FLVCR2: variants seen among roughly 807,000 people sequenced by gnomAD.
FLVCR2 encodes choline/ethanolamine transporter FLVCR2.
A neutral mutation model predicts 48.9 loss-of-function variants in FLVCR2; 38 were observed. The observed-to-expected ratio is 0.78, with a 90% CI of 0.60 to 1.02. The LOEUF (loss-of-function observed/expected upper bound fraction) is 1.02. Ranked by LOEUF, FLVCR2 falls within the 50% of genes least tolerant of loss-of-function variation. The pLI is 0.00. For missense variants in FLVCR2, 664 were observed against 663.3 expected (o/e 1.00, Z -0.01); for synonymous variants, 255 against 257.0 (o/e 0.99, Z 0.07).
At chr14:75,636,756 G>A (rs1045073896) in intron 5 of FLVCR2, among the ~76,000 whole-genome samples, 8 of 152,302 alleles carry the variant, frequency 5.3e-5, no homozygotes, top group South Asian at 2.1e-4. Context: ...GCCAGTCCTC[G>A]TCACTCTAAG....
intron 1 of FLVCR2, among the ~76,000 whole-genome samples, chr14:75,615,902 C>G (rs1889600172): frequency 6.6e-6 from 1 of 150,536 alleles, no homozygotes; most frequent in Admixed American, 6.6e-5. Context: ...TGGCGGGAAC[C>G]TGTAATCCCA....
intron 1 of FLVCR2, among the ~76,000 whole-genome samples, chr14:75,609,582 TC>T (rs1296692666): frequency 1.3e-5 from 2 of 152,214 alleles, no homozygotes; most frequent in Non-Finnish European, 2.9e-5. Flanking sequence ...ATGGGTCCCA[TC>T]CTATCTATTT....
At chr14:75,635,308 G>T (rs975316756) in intron 5 of FLVCR2, among the ~76,000 whole-genome samples, 2 of 152,100 alleles carry the variant, frequency 1.3e-5, no homozygotes, top group Admixed American at 6.5e-5. Context: ...AGAGGAGGGA[G>T]AAATGAAAAT....
intron 5 of FLVCR2, 151 bp from the exon 6 acceptor site, chr14:75,639,201 A>T: frequency 1.5e-6 from 1 of 689,230 alleles, no homozygotes; most frequent in Non-Finnish European, 2.6e-6. Context: ...ACAGAGCAAG[A>T]CACTGTCTCT....
chr14:75,633,790 C>T lies in FLVCR2; in HGVS notation c.1020+94C>T, dbSNP rs114938064. The T allele has an allele frequency of 8.4e-4, 805 of 958,014 alleles. 3 individuals carry two copies. The African/African-American group carries it at 0.011, about 14-fold the overall frequency. 59.3% of individuals were successfully genotyped at this position (958,014 alleles called of 1,614,324 possible). A position where few individuals can be genotyped will look rare whatever the true frequency, so the allele number is the denominator to read the frequency against. ...TGGGATGACCGTTAAGTCTTCATTC[C>T]CCCCAGTTCTAGGTAGGGTGATATG... is the stretch of plus-strand genomic sequence containing the variant. On this transcript the variant is annotated intron_variant, in intron 4 of 9. Transcript: ENST00000238667.
intron 1 of FLVCR2, among the ~76,000 whole-genome samples, chr14:75,608,807 C>T (rs1400945081): frequency 1.3e-5 from 2 of 152,152 alleles, no homozygotes; most frequent in South Asian, 2.1e-4. Flanking sequence ...TGGCTGCCCC[C>T]GTATTCTCAT....
chr14:75,591,308 G>C (rs547988161), intron 1 of FLVCR2, among the ~76,000 whole-genome samples: 2 of 152,328 alleles, frequency 1.3e-5, no homozygotes, highest in East Asian at 3.9e-4. Context: ...CTCTCAGAGT[G>C]CCTGGATTAC....
rs111937202 is a variant in FLVCR2 at position 75,624,519 on chromosome 14, T to C, written c.812-93T>C. ...TTTCCTTTGGGAGTCTTAGCTCCTC[T>C]CAGATGATGGAGCAGCTTTCATTCA... On this transcript the variant is annotated intron_variant, in intron 2 of 9. Coordinates refer to ENST00000238667, the MANE Select transcript of FLVCR2 (RefSeq NM_017791.3). 3.5e-5 allele frequency: 50 copies of C among 1,427,214 alleles called. No homozygotes were observed. In the African/African-American group the frequency reaches 5.3e-4, roughly 15 times the overall value. The allele number at this position is 1,427,214 out of a possible 1,614,324, so 88.4% of individuals were successfully genotyped here.
chr14:75,613,787 A>G lies in FLVCR2; in HGVS notation c.670-8292A>G, dbSNP rs550346560. ...GCTGGTCTCAAACTCCTGACCTCAA[A>G]TGATCCACCCACCTTGGCCTCCCAA... On this transcript the variant is annotated intron_variant, in intron 1 of 9. Coordinates refer to ENST00000238667, the MANE Select transcript of FLVCR2 (RefSeq NM_017791.3). Among the ~76,000 whole-genome samples the G allele has an allele frequency of 3.5e-4, 53 of 152,198 alleles. 1 individual carries two copies. Among genetic ancestry groups the G allele is most frequent in the Middle Eastern group, 3.4e-3 (1 of 294 alleles).
intron 1 of FLVCR2, among the ~76,000 whole-genome samples, chr14:75,602,646 G>A (rs1889192935): frequency 6.6e-6 from 1 of 152,180 alleles, no homozygotes; most frequent in Non-Finnish European, 1.5e-5. Flanking sequence ...ACAGAAAGTA[G>A]AATGGTGATT....
chr14:75,617,275 G>A (rs1487490703), intron 1 of FLVCR2, among the ~76,000 whole-genome samples: 1 of 152,174 alleles, frequency 6.6e-6, no homozygotes, highest in Non-Finnish European at 1.5e-5. Flanking sequence ...GCTTCTCCCT[G>A]TCACCTAGGG....
At chr14:75,591,806 CTTTTT>C (rs1163085989) in intron 1 of FLVCR2, among the ~76,000 whole-genome samples, 1,819 of 109,246 alleles carry the variant, frequency 0.017, 45 homozygotes, top group African/African-American at 0.066. Flanking sequence ...CTCTTCATTC[CTTTTT>C]TTTTTTTTTT....
intron 5 of FLVCR2, among the ~76,000 whole-genome samples, chr14:75,635,369 A>C (rs1463652936): frequency 1.3e-5 from 2 of 152,180 alleles, no homozygotes. Context: ...AACCCCAAAG[A>C]GTGGAGATGA....
At chr14:75,619,434 C>T (rs181074716) in intron 1 of FLVCR2, among the ~76,000 whole-genome samples, 5 of 151,920 alleles carry the variant, frequency 3.3e-5, no homozygotes, top group African/African-American at 1.2e-4. Context: ...ATGTGTCATT[C>T]CTAGCTTTGT....
intron 6 of FLVCR2, among the ~76,000 whole-genome samples, chr14:75,640,174 G>T (rs1247230724): frequency 1.3e-5 from 2 of 150,136 alleles, no homozygotes; most frequent in Non-Finnish European, 2.9e-5. Flanking sequence ...CAGGAGAATC[G>T]CTGGCACCTG....
In FLVCR2 at chr14:75,588,091, T is replaced by C. The variant is rs180791477; in HGVS notation, c.669+8450T>C. ...TAGCAGCCGCATTAAAGATGTAAAT[T>C]TTTTTTAAGTAAAAAGAAAAGGTGA... On this transcript the variant is annotated intron_variant, in intron 1 of 9. Transcript: ENST00000238667. Among the ~76,000 whole-genome samples the C allele has an allele frequency of 4.0e-4, 61 of 152,330 alleles. 1 individual carries two copies. In the East Asian group the frequency reaches 0.012, roughly 29 times the overall value.
At chr14:75,616,347 A>G (rs1889617916) in intron 1 of FLVCR2, among the ~76,000 whole-genome samples, 1 of 151,986 alleles carries the variant, frequency 6.6e-6, no homozygotes, top group African/African-American at 2.4e-5. Context: ...ATTTTTTTTA[A>G]TTTAAAAAAT....
At chr14:75,603,641 T>C (rs574183304) in intron 1 of FLVCR2, among the ~76,000 whole-genome samples, 6 of 152,208 alleles carry the variant, frequency 3.9e-5, no homozygotes, top group Non-Finnish European at 8.8e-5. Flanking sequence ...GAGGGTCTAT[T>C]GAGCTGTTAA....
chr14:75,598,709 C>T (rs905548881), intron 1 of FLVCR2, among the ~76,000 whole-genome samples: 3 of 152,254 alleles, frequency 2.0e-5, no homozygotes, highest in Non-Finnish European at 4.4e-5. Context: ...CTCCTGGCCT[C>T]AAGCGATCCT....
Sources: allele counts gnomAD v4.1 joint callset (sites outside exome capture counted in the v4.1 genomes callset), GRCh38; gene constraint gnomAD v4.1.1; transcripts MANE v1.5; gene names NCBI Gene and HGNC (gene_info 2026-07-23, HGNC 2026-07-21).